The following AKTIP variants were observed in gnomAD, a reference collection of about 807,000 sequenced individuals.
The protein encoded by AKTIP is AKT interacting protein.
AKTIP carries 16 observed loss-of-function variants against 39.1 expected under a neutral mutation model. The ratio of observed to expected loss-of-function variants is 0.41; its 90% CI spans 0.28 to 0.62. The LOEUF (loss-of-function observed/expected upper bound fraction) is 0.62, where lower values mean the gene tolerates loss of function less well. AKTIP is among the 20% of genes least tolerant of loss of function. The pLI is 0.32. For missense variants in AKTIP, 262 were observed against 356.6 expected (o/e 0.73, Z 2.14); for synonymous variants, 93 against 124.3 (o/e 0.75, Z 1.67).
chr16:53,498,679 G>C, intron 2 of AKTIP, 83 bp from the exon 3 acceptor site: 2 of 1,368,196 alleles, frequency 1.5e-6, no homozygotes, highest in Non-Finnish European at 2.1e-6. Flanking sequence ...TGGCCTAAAT[G>C]CTGGAATTAC....
chr16:53,501,553 C>G (rs1962169914), intron 1 of AKTIP: 1 of 152,226 alleles, frequency 6.6e-6, no homozygotes, highest in South Asian at 2.1e-4. Context: ...TGAATTCCTA[C>G]TTGCACCAAT....
At chr16:53,498,235 C>G (rs183751968) in intron 3 of AKTIP, among the ~76,000 whole-genome samples, 156 bp downstream of exon 3, 1 of 152,300 alleles carries the variant, frequency 6.6e-6, no homozygotes, top group East Asian at 1.9e-4. Flanking sequence ...CAGCAATAGC[C>G]TATAGTTTTA....
intron 5 of AKTIP, 22 bp from the exon 6 acceptor site, chr16:53,494,627 C>T: frequency 6.2e-7 from 1 of 1,608,948 alleles, no homozygotes. Context: ...TAAAGAGAGA[C>T]ATGTCCTTTA....
At chr16:53,497,969 G>A (rs1408496188) in intron 3 of AKTIP, among the ~76,000 whole-genome samples, 2 of 152,178 alleles carry the variant, frequency 1.3e-5, no homozygotes, top group African/African-American at 4.8e-5. Flanking sequence ...GGCTGGTCTT[G>A]AACTCCTGAA....
chr16:53,502,933 C>G (rs376953648), intron 1 of AKTIP: 1 of 152,518 alleles, frequency 6.6e-6, no homozygotes, highest in East Asian at 1.9e-4. Context: ...CAGTCCCCAG[C>G]AGCAGTCCCG....
At position 53,494,072 on chromosome 16, in the gene AKTIP, C is replaced by G. The variant is rs555545187; in HGVS notation, c.710+66G>C. On this transcript the variant is annotated intron_variant, in intron 8 of 9. Coordinates refer to ENST00000394657, the MANE Select transcript of AKTIP (RefSeq NM_022476.4). ...TTTTATATCCCTATTCTGAGACCAC[C>G]TGGAGAAAGGAAGCAGTGTATTGGA... is the stretch of plus-strand genomic sequence containing the variant. 1.2e-4 allele frequency: 151 copies of G among 1,251,270 alleles called. No homozygotes were observed. The African/African-American group carries it at 2.1e-3, about 18-fold the overall frequency. 77.5% of individuals were successfully genotyped at this position (1,251,270 alleles called of 1,614,324 possible).
chr16:53,496,449 G>A (rs537519903), intron 3 of AKTIP, among the ~76,000 whole-genome samples: 1 of 146,232 alleles, frequency 6.8e-6, no homozygotes, highest in South Asian at 2.2e-4. Context: ...TGGGGCCTCA[G>A]ACCCACTGAC....
chr16:53,500,591 T>C (rs1962110707), intron 1 of AKTIP, among the ~76,000 whole-genome samples: 1 of 152,128 alleles, frequency 6.6e-6, no homozygotes, highest in African/African-American at 2.4e-5. Flanking sequence ...TTGGCCAGGC[T>C]GGTCTCGAAC....
intron 3 of AKTIP, among the ~76,000 whole-genome samples, chr16:53,496,852 A>G (rs1212471692): frequency 1.3e-5 from 2 of 152,168 alleles, no homozygotes; most frequent in East Asian, 1.9e-4. Flanking sequence ...AAAAAAAGAA[A>G]AAAAGATGAG....
chr16:53,504,088 CT>C (rs766022873), upstream of AKTIP, among the ~76,000 whole-genome samples: 1,812 of 133,766 alleles, frequency 0.014, 17 homozygotes, highest in Non-Finnish European at 0.019. Context: ...AGTTCCTGGT[CT>C]TTTTTTTTTT....
At position 53,491,904 on chromosome 16, in the gene AKTIP, G is replaced by GTGAT. The variant is rs377176904; in HGVS notation, c.*504_*507dup. On this transcript the variant is annotated 3_prime_UTR_variant, in exon 10 of 10. Transcript: ENST00000394657. ...CTCACTGAACTAAAGACATTTCTCA[G>GTGAT]TGATTTCAGTTTGTAAATCAGTAAG... The GTGAT allele has an allele frequency of 1.3e-5, 2 of 152,648 alleles. No homozygotes were observed. The highest frequency in any genetic ancestry group is 2.1e-4 in the South Asian group (1 of 4,824). The allele number at this position is 152,648 out of a possible 1,614,324, so 9.5% of individuals were successfully genotyped here.
At chr16:53,495,730 T>C (rs1257180794) in intron 3 of AKTIP, among the ~76,000 whole-genome samples, 1 of 152,260 alleles carries the variant, frequency 6.6e-6, no homozygotes, top group Non-Finnish European at 1.5e-5. Context: ...TGAGAGTATT[T>C]GTAAAATTAT....
intron 3 of AKTIP, among the ~76,000 whole-genome samples, chr16:53,497,071 A>G (rs189287329): frequency 5.8e-4 from 88 of 152,288 alleles, no homozygotes; most frequent in African/African-American, 2.0e-3. Flanking sequence ...AGCTGGGATT[A>G]CAGGCATAAG....
At chr16:53,501,307 C>G (rs1470962899) in intron 1 of AKTIP, 1 of 152,188 alleles carries the variant, frequency 6.6e-6, no homozygotes, top group Non-Finnish European at 1.5e-5. Context: ...CCAAGCAATC[C>G]AGACAAATGC....
chr16:53,494,815 TAGAG>T, intron 5 of AKTIP: 1 of 706,826 alleles, frequency 1.4e-6, no homozygotes, highest in Non-Finnish European at 2.5e-6. Flanking sequence ...TCTCCTCCAC[TAGAG>T]CCTGAGGGCC....
chr16:53,493,117 T>C (rs1318934241), intron 8 of AKTIP: 1 of 208,912 alleles, frequency 4.8e-6, no homozygotes, highest in Admixed American at 5.2e-5. Flanking sequence ...TCACCCAGGC[T>C]GGAGTGCAGT....
intron 1 of AKTIP, among the ~76,000 whole-genome samples, chr16:53,502,093 A>C (rs1264381348): frequency 6.6e-6 from 1 of 152,222 alleles, no homozygotes; most frequent in Admixed American, 6.5e-5. Flanking sequence ...AAAGTCTCTT[A>C]AAGGTCTAAC....
chr16:53,494,150 G>C lies in AKTIP; in HGVS notation c.698C>G (p.Pro233Arg). 1 of 1,613,318 alleles carries C rather than the reference G, an allele frequency of 6.2e-7. No homozygotes were observed. Among genetic ancestry groups the C allele is most frequent in the East Asian group, 2.2e-5 (1 of 44,880 alleles). The stretch of plus-strand genomic sequence containing the variant: ...ATGCACCACTTACCTAATTGCATAG[G>C]GGTCTTCTATTTTAGGTTGGTCAAA... Reference protein sequence around the residue: ...RLFDQPKIEDPYAISFSPWNP... With the variant: ...RLFDQPKIEDRYAISFSPWNP... The change falls in exon 8 of 10, where the codon CCC (proline) becomes CGC (arginine). Residue 233 changes from proline to arginine, a missense_variant. Transcript: ENST00000394657.
intron 2 of AKTIP, 94 bp from the exon 3 acceptor site, chr16:53,498,690 T>C: frequency 7.9e-7 from 1 of 1,260,836 alleles, no homozygotes; most frequent in Non-Finnish European, 1.1e-6. Flanking sequence ...CTGGAATTAC[T>C]CCTTTACAAG....
Sources: allele counts gnomAD v4.1 joint callset (sites outside exome capture counted in the v4.1 genomes callset), GRCh38; gene constraint gnomAD v4.1.1; transcripts MANE v1.5; gene names NCBI Gene and HGNC (gene_info 2026-07-23, HGNC 2026-07-21).